The following ADAMTS3 variants were observed in gnomAD, a reference collection of about 807,000 sequenced individuals.
ADAMTS3 encodes the protein ADAM metallopeptidase with thrombospondin type 1 motif 3.
In ADAMTS3, 73 loss-of-function variants were observed where a neutral mutation model predicts 129.0. The observed-to-expected ratio is 0.57, with a 90% confidence interval of 0.47 to 0.69. The LOEUF (loss-of-function observed/expected upper bound fraction) is 0.69. ADAMTS3 is among the 30% of genes least tolerant of loss of function. The probability of loss-of-function intolerance (pLI) is 0.00; values close to 1 mark genes in which losing one functional copy is unlikely to be tolerated. For synonymous variants in ADAMTS3, 477 were observed against 510.8 expected, an observed-to-expected ratio of 0.93 and a Z score of 0.89; for missense variants, 1,457 against 1,514.5, an observed-to-expected ratio of 0.96 and a Z score of 0.63.
intron 3 of ADAMTS3, among the ~76,000 whole-genome samples, chr4:72,505,805 G>A (rs1183905860): frequency 6.6e-6 from 1 of 152,184 alleles, no homozygotes; most frequent in Non-Finnish European, 1.5e-5. Flanking sequence ...CCTGGGCATG[G>A]AGCAGAGAGG....
At chr4:72,318,766 T>TA (rs1719469043) in intron 9 of ADAMTS3, 62 bp from the exon 10 acceptor site, 17 of 1,507,714 alleles carry the variant, frequency 1.1e-5, no homozygotes, top group South Asian at 2.5e-5. Context: ...TGTCCTGATT[T>TA]AAAAAAAAGT....
chr4:72,483,246 T>C (rs1204408329), intron 3 of ADAMTS3, among the ~76,000 whole-genome samples: 1 of 152,194 alleles, frequency 6.6e-6, no homozygotes, highest in African/African-American at 2.4e-5. Context: ...TAGAAAATTA[T>C]GAGAGCTACC....
intron 4 of ADAMTS3, among the ~76,000 whole-genome samples, chr4:72,402,654 GATTC>G (rs758169652): frequency 2.0e-5 from 3 of 152,056 alleles, no homozygotes; most frequent in Admixed American, 6.6e-5. Context: ...TCCATGCTTA[GATTC>G]ATTATTTCTT....
At chr4:72,463,036 A>G (rs146287227) in intron 3 of ADAMTS3, among the ~76,000 whole-genome samples, 11 of 152,084 alleles carry the variant, frequency 7.2e-5, no homozygotes, top group African/African-American at 2.6e-4. Flanking sequence ...TCCATTCATG[A>G]CAGGTGATCT....
intron 12 of ADAMTS3, 150 bp from the exon 13 acceptor site, chr4:72,312,616 C>G: frequency 1.6e-6 from 1 of 644,520 alleles, no homozygotes. Context: ...AGTCCCTTTC[C>G]AAAGCACCCT....
rs1440131553 is a variant in ADAMTS3, at chr4:72,319,895, A to G, written c.1171T>C (p.Ser391Pro). 4.3e-6 allele frequency: 7 copies of G among 1,613,854 alleles called. No homozygotes were observed. The African/African-American group carries it at 9.3e-5, about 22-fold the overall frequency. ...TCATGGGCTACTACAAAAGCAGATG[A>G]AAAACCATCCTCATGATTCAGGGTA... ...SCTLNHEDGF[S>P]SAFVVAHETG... The change falls in exon 8 of 22, where the codon TCA becomes CCA. Residue 391 changes from serine to proline, a missense_variant. Ser to Pro is a moderately conservative substitution (Grantham distance 74). Transcript: ENST00000286657.
intron 13 of ADAMTS3, 144 bp from the exon 14 acceptor site, chr4:72,311,325 T>A: frequency 2.7e-6 from 2 of 748,696 alleles, no homozygotes; most frequent in Non-Finnish European, 3.9e-6. Context: ...AAATAAGGAG[T>A]AAGGAGGAAA....
intron 3 of ADAMTS3, among the ~76,000 whole-genome samples, chr4:72,498,656 C>T (rs553924256): frequency 1.5e-4 from 23 of 151,878 alleles, no homozygotes; most frequent in Admixed American, 3.3e-4. Context: ...CTTTCTCACA[C>T]GCACACACAC....
chr4:72,528,514 T>C (rs1333199037), intron 3 of ADAMTS3, among the ~76,000 whole-genome samples: 1 of 128,146 alleles, frequency 7.8e-6, no homozygotes, highest in African/African-American at 3.3e-5. Context: ...CAATTAAAAG[T>C]GAAAACTAAA....
intron 3 of ADAMTS3, among the ~76,000 whole-genome samples, chr4:72,426,655 G>T (rs575660936): frequency 2.0e-5 from 3 of 152,226 alleles, no homozygotes; most frequent in African/African-American, 7.2e-5. Context: ...GAGAGACCAA[G>T]GATGGTGGAT....
At chr4:72,422,260 C>A (rs913309510) in intron 3 of ADAMTS3, among the ~76,000 whole-genome samples, 2 of 151,978 alleles carry the variant, frequency 1.3e-5, no homozygotes, top group African/African-American at 4.8e-5. Flanking sequence ...TAATTTTCAT[C>A]CTTAATCTCA....
chr4:72,499,541 G>A (rs750958271), intron 3 of ADAMTS3, among the ~76,000 whole-genome samples: 10 of 152,012 alleles, frequency 6.6e-5, no homozygotes, highest in Non-Finnish European at 1.2e-4. Context: ...ATATTACACC[G>A]ACCTATGTAC....
At chr4:72,389,651 G>C (rs1303509489) in intron 4 of ADAMTS3, among the ~76,000 whole-genome samples, 1 of 152,058 alleles carries the variant, frequency 6.6e-6, no homozygotes, top group Non-Finnish European at 1.5e-5. Context: ...CCAACGTTAA[G>C]AGAAAATTTT....
At chr4:72,433,005 T>C (rs1177957761) in intron 3 of ADAMTS3, among the ~76,000 whole-genome samples, 1 of 152,008 alleles carries the variant, frequency 6.6e-6, no homozygotes, top group Non-Finnish European at 1.5e-5. Context: ...GTTCTCATTC[T>C]TTCAATGAAA....
At chr4:72,341,232 C>T (rs1350690917) in intron 4 of ADAMTS3, among the ~76,000 whole-genome samples, 2 of 152,164 alleles carry the variant, frequency 1.3e-5, no homozygotes, top group African/African-American at 2.4e-5. Context: ...CACCAATACC[C>T]TCCCTTACAA....
chr4:72,413,173 T>C (rs1041087616), intron 4 of ADAMTS3, among the ~76,000 whole-genome samples: 5 of 151,962 alleles, frequency 3.3e-5, no homozygotes, highest in African/African-American at 7.2e-5. Flanking sequence ...AATTGAAATG[T>C]AGTAATAGGG....
At chr4:72,516,587 T>C (rs1280061261) in intron 3 of ADAMTS3, among the ~76,000 whole-genome samples, 1 of 152,188 alleles carries the variant, frequency 6.6e-6, no homozygotes, top group Non-Finnish European at 1.5e-5. Flanking sequence ...TATTTTATTC[T>C]CTTTGAAGGA....
intron 4 of ADAMTS3, among the ~76,000 whole-genome samples, chr4:72,347,205 C>T (rs1453007310): frequency 6.6e-6 from 1 of 151,766 alleles, no homozygotes. Context: ...AATTCACCCA[C>T]TAATTTCTGA....
At chr4:72,395,714 T>C (rs1318123232) in intron 4 of ADAMTS3, among the ~76,000 whole-genome samples, 2 of 152,160 alleles carry the variant, frequency 1.3e-5, no homozygotes, top group African/African-American at 4.8e-5. Flanking sequence ...AGAATCTCTA[T>C]AGTTCTCTTT....
Sources: allele counts gnomAD v4.1 joint callset (sites outside exome capture counted in the v4.1 genomes callset), GRCh38; gene constraint gnomAD v4.1.1; transcripts MANE v1.5; gene names NCBI Gene and HGNC (gene_info 2026-07-23, HGNC 2026-07-21).